Variants in DAP observed in about 807,000 individuals in gnomAD.
DAP encodes the protein death associated protein.
DAP carries 8 observed loss-of-function variants against 13.8 expected under a neutral mutation model. That is an observed-to-expected ratio of 0.58 (90% CI 0.34 to 1.05). The LOEUF is 1.05. DAP is among the 50% of genes least tolerant of loss of function. The probability of loss-of-function intolerance (pLI) is 0.03; values close to 1 mark genes in which losing one functional copy is unlikely to be tolerated. For missense variants in DAP, 106 were observed against 133.2 expected (o/e 0.80, Z 1.01); for synonymous variants, 47 against 47.5 (o/e 0.99, Z 0.04).
intron 3 of DAP, among the ~76,000 whole-genome samples, chr5:10,681,773 AGC>A (rs1738013724): frequency 6.6e-6 from 1 of 151,106 alleles, no homozygotes; most frequent in Non-Finnish European, 1.5e-5. Context: ...GCCCCAGGAC[AGC>A]GCCCAACAGA....
At chr5:10,732,772 GT>G (rs1264298736) in intron 2 of DAP, among the ~76,000 whole-genome samples, 2 of 152,144 alleles carry the variant, frequency 1.3e-5, no homozygotes, top group Admixed American at 1.3e-4. Flanking sequence ...CAAGGGCCTT[GT>G]TTTTTGTTTT....
At chr5:10,716,876 G>A (rs1164672470) in intron 2 of DAP, among the ~76,000 whole-genome samples, 1 of 152,332 alleles carries the variant, frequency 6.6e-6, no homozygotes, top group East Asian at 1.9e-4. Flanking sequence ...GAATATTAAG[G>A]ATGGAGTTCT....
chr5:10,683,381 G>A (rs1428883681), intron 3 of DAP, 148 bp downstream of exon 3: 12 of 842,506 alleles, frequency 1.4e-5, no homozygotes, highest in Non-Finnish European at 2.2e-5. Context: ...CTGGGGAAAC[G>A]CGGCAATGAA....
chr5:10,682,850 TA>T (rs1047686205), intron 3 of DAP, among the ~76,000 whole-genome samples: 3 of 152,144 alleles, frequency 2.0e-5, no homozygotes, highest in African/African-American at 7.2e-5. Flanking sequence ...TGTGACTATT[TA>T]AATTGGGGGC....
chr5:10,683,312 A>G (rs1738070151), intron 3 of DAP: 1 of 630,582 alleles, frequency 1.6e-6, no homozygotes, highest in Non-Finnish European at 2.8e-6. Flanking sequence ...GTCTCACCAG[A>G]CGGCGGCTCT....
chr5:10,702,355 C>T (rs62337575), intron 2 of DAP, among the ~76,000 whole-genome samples: 9,525 of 152,276 alleles, frequency 0.063, 328 homozygotes, highest in African/African-American at 0.083. Flanking sequence ...TCATGCCCTG[C>T]CCGCCTCAAA....
intron 2 of DAP, among the ~76,000 whole-genome samples, chr5:10,709,422 G>T (rs1003526518): frequency 6.6e-6 from 1 of 152,216 alleles, no homozygotes; most frequent in Admixed American, 6.5e-5. Flanking sequence ...GAGTAACGAG[G>T]TAGGTAAGGG....
chr5:10,683,181 A>G, intron 3 of DAP: 1 of 332,264 alleles, frequency 3.0e-6, no homozygotes, highest in South Asian at 2.9e-5. Flanking sequence ...GCATCCTCTG[A>G]TAAGAAAGTG....
intron 1 of DAP, among the ~76,000 whole-genome samples, chr5:10,754,971 T>A (rs1397391591): frequency 6.6e-6 from 1 of 152,148 alleles, no homozygotes; most frequent in Non-Finnish European, 1.5e-5. Flanking sequence ...AAATGAGGGT[T>A]GTAGATGGAA....
At chr5:10,682,051 T>C (rs1489337836) in intron 3 of DAP, among the ~76,000 whole-genome samples, 2 of 149,864 alleles carry the variant, frequency 1.3e-5, no homozygotes, top group Non-Finnish European at 3.0e-5. Context: ...TGTTTGTGGG[T>C]GAGGAAGCCC....
At chr5:10,711,578 T>C (rs1738855025) in intron 2 of DAP, among the ~76,000 whole-genome samples, 1 of 152,194 alleles carries the variant, frequency 6.6e-6, no homozygotes, top group Non-Finnish European at 1.5e-5. Context: ...GCATTAAAAA[T>C]CCTCTGAACT....
intron 2 of DAP, among the ~76,000 whole-genome samples, chr5:10,725,301 C>T (rs1739260690): frequency 6.6e-6 from 1 of 152,210 alleles, no homozygotes; most frequent in Non-Finnish European, 1.5e-5. Flanking sequence ...AATCGCTAGC[C>T]TCTGACATGG....
rs1377897266 is a variant in DAP, at chr5:10,686,489, T to G, written c.153-2918A>C. ...GAGAAAATTAAAAATGCTACTCCAG[T>G]GAGCACTGGAGTGAGTGACAAGGAA... On this transcript the variant is annotated intron_variant, in intron 2 of 3. Transcript: ENST00000230895. Among the ~76,000 whole-genome samples, 3 of 152,160 alleles carry G rather than the reference T, an allele frequency of 2.0e-5. No homozygotes were observed. The East Asian group carries it at 5.8e-4, about 29-fold the overall frequency.
chr5:10,759,148 C>T (rs1378003536), intron 1 of DAP, among the ~76,000 whole-genome samples: 3 of 152,252 alleles, frequency 2.0e-5, no homozygotes, highest in Non-Finnish European at 4.4e-5. Context: ...GATCGTGCCA[C>T]TGCACTCCCA....
intron 2 of DAP, among the ~76,000 whole-genome samples, chr5:10,701,149 A>G (rs1341819319): frequency 1.3e-5 from 2 of 152,264 alleles, no homozygotes; most frequent in East Asian, 1.9e-4. Flanking sequence ...ACCATTGGCT[A>G]TGAGGGCTTA....
At chr5:10,691,410 C>T (rs1394452322) in intron 2 of DAP, among the ~76,000 whole-genome samples, 1 of 152,192 alleles carries the variant, frequency 6.6e-6, no homozygotes, top group Non-Finnish European at 1.5e-5. Flanking sequence ...AAAACAGTTA[C>T]TAAACTCTTT....
chr5:10,750,473 T>C (rs770718734), intron 1 of DAP, among the ~76,000 whole-genome samples: 2 of 152,218 alleles, frequency 1.3e-5, no homozygotes, highest in Non-Finnish European at 2.9e-5. Context: ...ATCTCCCTGC[T>C]GCCCGCACCT....
At chr5:10,690,706 G>A (rs1738286393) in intron 2 of DAP, among the ~76,000 whole-genome samples, 1 of 150,958 alleles carries the variant, frequency 6.6e-6, no homozygotes, top group Non-Finnish European at 1.5e-5. Flanking sequence ...TCTGCTGATG[G>A]ACACCTGGAC....
At chr5:10,693,538 T>C (rs1738361073) in intron 2 of DAP, among the ~76,000 whole-genome samples, 1 of 152,208 alleles carries the variant, frequency 6.6e-6, no homozygotes, top group South Asian at 2.1e-4. Context: ...CTAACTCTCT[T>C]GGTCCTGTGA....
Sources: gnomAD v4.1 joint callset for allele counts (sites outside exome capture counted in the v4.1 genomes callset) on GRCh38, gnomAD v4.1.1 for gene constraint, MANE v1.5 for transcripts, NCBI Gene and HGNC (gene_info 2026-07-23, HGNC 2026-07-21) for gene names.